The following MRTFB variants were observed in gnomAD, a reference collection of about 807,000 sequenced individuals.
The protein encoded by MRTFB is myocardin related transcription factor B, also known as myocardin-related transcription factor B.
A neutral mutation model predicts 104.2 loss-of-function variants in MRTFB; 29 were observed. The observed-to-expected ratio is 0.28, with a 90% CI of 0.21 to 0.38. The LOEUF (loss-of-function observed/expected upper bound fraction) is 0.38, where lower values mean the gene tolerates loss of function less well. Among genes scored for constraint, MRTFB ranks in the 10% least tolerant of loss-of-function variants. The pLI, the probability that MRTFB is intolerant of heterozygous loss-of-function variation, is 1.00. For missense variants in MRTFB, 1,270 were observed against 1,341.6 expected, an observed-to-expected ratio of 0.95 and a Z score of 0.83; for synonymous variants, 535 against 519.5, an observed-to-expected ratio of 1.03 and a Z score of -0.41.
intron 3 of MRTFB, among the ~76,000 whole-genome samples, chr16:14,204,017 G>A (rs537458555): frequency 4.6e-5 from 7 of 152,102 alleles, no homozygotes; most frequent in East Asian, 3.8e-4. Context: ...CTTGAGTGCC[G>A]TGGTACAATC....
At position 14,261,464 on chromosome 16, in the gene MRTFB, G is replaced by T; in HGVS notation, c.*20G>T. The T allele has an allele frequency of 6.4e-7, 1 of 1,563,620 alleles. No homozygotes were observed. The highest frequency in any genetic ancestry group is 8.7e-7 in the Non-Finnish European group (1 of 1,152,458). ...GACTAACGTCACAGATTTCTTTTCT[G>T]AGAGTTGATGAGGTTTAAGAACATG... On this transcript the variant is annotated 3_prime_UTR_variant, in exon 17 of 17. Coordinates refer to ENST00000571589, the MANE Select transcript of MRTFB (RefSeq NM_001308142.2).
chr16:14,026,000 AT>A, the MRTFB span, among the ~76,000 whole-genome samples: 2 of 152,224 alleles, frequency 1.3e-5, no homozygotes, highest in Non-Finnish European at 2.9e-5. Flanking sequence ...GAGATGCACC[AT>A]GTTCATGGAC....
chr16:14,192,108 C>T (rs947075079), intron 3 of MRTFB, among the ~76,000 whole-genome samples: 5 of 151,786 alleles, frequency 3.3e-5, no homozygotes, highest in Non-Finnish European at 5.9e-5. Flanking sequence ...CGGTGGCTCA[C>T]ACCTATAATC....
chr16:14,012,248 A>T, the MRTFB span, among the ~76,000 whole-genome samples: 6 of 124,276 alleles, frequency 4.8e-5, no homozygotes, highest in African/African-American at 1.7e-4. Context: ...TTTTTTTTTG[A>T]GACAGAGTCT....
At chr16:14,074,340 T>TA (rs1342893390) in intron 1 of MRTFB, among the ~76,000 whole-genome samples, 1 of 152,176 alleles carries the variant, frequency 6.6e-6, no homozygotes, top group East Asian at 1.9e-4. Flanking sequence ...ATCAGAACTT[T>TA]AAAAAATATT....
At chr16:14,018,137 C>G in the MRTFB span, among the ~76,000 whole-genome samples, 1 of 152,054 alleles carries the variant, frequency 6.6e-6, no homozygotes, top group African/African-American at 2.4e-5. Context: ...CACCCTCAGT[C>G]TCTAGGATAA....
intron 3 of MRTFB, among the ~76,000 whole-genome samples, chr16:14,165,042 A>T (rs2039185213): frequency 6.6e-6 from 1 of 151,610 alleles, no homozygotes; most frequent in Non-Finnish European, 1.5e-5. Flanking sequence ...TTTCCAGGCC[A>T]AAAAGGGTCA....
At chr16:14,161,849 A>G (rs1429142261) in intron 3 of MRTFB, among the ~76,000 whole-genome samples, 1 of 152,208 alleles carries the variant, frequency 6.6e-6, no homozygotes, top group Admixed American at 6.5e-5. Flanking sequence ...CTCAAAAATG[A>G]CTAAAATATG....
chr16:14,234,142 C>T lies in MRTFB; in HGVS notation c.694-4C>T. 1 of 1,610,682 alleles carries T rather than the reference C, an allele frequency of 6.2e-7. No homozygotes were observed. Among genetic ancestry groups the T allele is most frequent in the Non-Finnish European group, 8.5e-7 (1 of 1,178,342 alleles). ...GACTTGTTCCTTTTTGCCTTTTCCA[C>T]CAGTTTGCTTCAGTGTCCCCAACAG... On this transcript the variant is annotated splice_region_variant and splice_polypyrimidine_tract_variant and intron_variant, in intron 8 of 16. Coordinates refer to ENST00000571589, the MANE Select transcript of MRTFB (RefSeq NM_001308142.2).
rs910888600 is a variant in MRTFB at position 14,173,041 on chromosome 16, T to C, written c.154+32281T>C. On this transcript the variant is annotated intron_variant, in intron 3 of 16. Transcript: ENST00000571589. Reference sequence around the variant, plus strand: ...GTCATAAAAATCCCATCAATATTTATTCAGCATACTCATATGGTTTGATTT... The same window carrying C: ...GTCATAAAAATCCCATCAATATTTACTCAGCATACTCATATGGTTTGATTT... Among the ~76,000 whole-genome samples the C allele has an allele frequency of 2.0e-5, 3 of 152,232 alleles. No individual in the cohort carries two copies. In the East Asian group the frequency reaches 5.8e-4, roughly 29 times the overall value.
chr16:14,105,563 A>G (rs1009686743), intron 2 of MRTFB, among the ~76,000 whole-genome samples: 1 of 151,918 alleles, frequency 6.6e-6, no homozygotes, highest in African/African-American at 2.4e-5. Flanking sequence ...GTACCCAGCT[A>G]ATTTTTAAAA....
intron 3 of MRTFB, among the ~76,000 whole-genome samples, chr16:14,157,575 G>C (rs1244507825): frequency 6.6e-6 from 1 of 152,210 alleles, no homozygotes; most frequent in Non-Finnish European, 1.5e-5. Flanking sequence ...CAGCATGGGA[G>C]TTAGGAGACA....
chr16:14,229,307 C>T (rs1233563405), intron 8 of MRTFB, among the ~76,000 whole-genome samples: 2 of 149,852 alleles, frequency 1.3e-5, no homozygotes, highest in Non-Finnish European at 3.0e-5. Context: ...AAATATTCAT[C>T]TATTAAATAT....
chr16:14,256,194 C>CAAAAAAA (rs750556838), intron 15 of MRTFB, among the ~76,000 whole-genome samples: 1,908 of 76,996 alleles, frequency 0.025, 47 homozygotes, highest in African/African-American at 0.064. Flanking sequence ...AACAGGATAA[C>CAAAAAAA]AAAAAAAAAA....
At chr16:14,001,496 G>A in the MRTFB span, among the ~76,000 whole-genome samples, 36 of 152,322 alleles carry the variant, frequency 2.4e-4, no homozygotes, top group African/African-American at 7.0e-4. Flanking sequence ...GAAGACAAGC[G>A]CGGATGGCCC....
intron 8 of MRTFB, among the ~76,000 whole-genome samples, chr16:14,226,545 G>A (rs1291454999): frequency 6.6e-6 from 1 of 152,154 alleles, no homozygotes; most frequent in African/African-American, 2.4e-5. Context: ...CATAGACAAA[G>A]ATCTAAATAT....
the MRTFB span, among the ~76,000 whole-genome samples, chr16:14,017,687 G>GTATATATATATATATATATA: frequency 1.6e-3 from 11 of 6,802 alleles, 1 homozygote; most frequent in Non-Finnish European, 4.8e-3. Context: ...GTGTGTGTGT[G>GTATATATATATATATATATA]TATATATATA....
At chr16:14,106,700 G>GA (rs2035996606) in intron 2 of MRTFB, among the ~76,000 whole-genome samples, 1 of 152,190 alleles carries the variant, frequency 6.6e-6, no homozygotes, top group Admixed American at 6.5e-5. Context: ...TTGTAAGAGT[G>GA]AGGGTATCAT....
intron 3 of MRTFB, among the ~76,000 whole-genome samples, chr16:14,207,346 T>G (rs560371459): frequency 6.6e-6 from 1 of 152,334 alleles, no homozygotes; most frequent in African/African-American, 2.4e-5. Context: ...GTTGTTTTAT[T>G]TTAATAATTG....
Sources: gnomAD v4.1 joint callset for allele counts (sites outside exome capture counted in the v4.1 genomes callset) on GRCh38, gnomAD v4.1.1 for gene constraint, MANE v1.5 for transcripts, NCBI Gene and HGNC (gene_info 2026-07-23, HGNC 2026-07-21) for gene names.